GLIS1: variants seen among roughly 807,000 people sequenced by gnomAD.
The protein encoded by GLIS1 is GLIS family zinc finger 1.
In GLIS1, 24 loss-of-function variants were observed where a neutral mutation model predicts 63.8. The observed-to-expected ratio is 0.38, with a 90% CI of 0.27 to 0.53. The LOEUF is 0.53. Among genes scored for constraint, GLIS1 ranks in the 20% least tolerant of loss-of-function variants. The pLI is 0.85. For missense variants in GLIS1, 1,036 were observed against 1,074.1 expected, an observed-to-expected ratio of 0.96 and a Z score of 0.50; for synonymous variants, 450 against 482.5, an observed-to-expected ratio of 0.93 and a Z score of 0.88.
At chr1:53,696,457 C>T (rs577390485) in intron 2 of GLIS1, among the ~76,000 whole-genome samples, 3 of 152,342 alleles carry the variant, frequency 2.0e-5, no homozygotes, top group African/African-American at 4.8e-5. Context: ...ACAGGATCCA[C>T]GACCCAGACC....
At chr1:53,543,590 G>C (rs1557441388) in intron 4 of GLIS1, among the ~76,000 whole-genome samples, 1 of 152,204 alleles carries the variant, frequency 6.6e-6, no homozygotes, top group African/African-American at 2.4e-5. Flanking sequence ...ACTAGCCCAA[G>C]GGGAAGAAAT....
Position 53,574,825 on chromosome 1 carries a change from G to A in GLIS1, c.1320+19283C>T, listed in dbSNP as rs1035556812. Among the ~76,000 whole-genome samples the A allele has an allele frequency of 1.3e-5, 2 of 152,184 alleles. No homozygotes were observed. Among genetic ancestry groups the A allele is most frequent in the African/African-American group, 4.8e-5 (2 of 41,438 alleles). ...TAAAAAGCTGGGGCAGGAGGGCTGA[G>A]TTTAGTCAAGGTTTGGCCACAGGCC... On this transcript the variant is annotated intron_variant, in intron 4 of 10. Coordinates refer to ENST00000628545, the MANE Select transcript of GLIS1 (RefSeq NM_001367484.1). The surrounding 1 kb of genome is among the most constrained non-coding windows in gnomAD (Gnocchi z 4.2).
intron 10 of GLIS1, 51 bp from the exon 11 acceptor site, chr1:53,506,827 T>G (rs1219120731): frequency 4.5e-6 from 7 of 1,552,884 alleles, no homozygotes; most frequent in African/African-American, 2.7e-5. Flanking sequence ...GGGCTGTGCC[T>G]GCGCATGCTT....
At position 53,598,408 on chromosome 1, in the gene GLIS1, G is replaced by A. The variant is rs1225702197; in HGVS notation, c.437+1693C>T. Among the ~76,000 whole-genome samples, 5 of 152,104 alleles carry A rather than the reference G, an allele frequency of 3.3e-5. No individual in the cohort carries two copies. The highest frequency in any genetic ancestry group is 2.1e-4 in the South Asian group (1 of 4,820). ...AAATTAGCCAGGCGTGGTGGCACAC[G>A]CCTGTAGTCTCAGCTGCTGGAGTGG... On this transcript the variant is annotated intron_variant, in intron 3 of 10. Transcript: ENST00000628545. The surrounding 1 kb of genome is among the most constrained non-coding windows in gnomAD (Gnocchi z 4.6).
chr1:53,551,819 G>T lies in GLIS1; in HGVS notation c.1321-21867C>A, dbSNP rs1644762705. Among the ~76,000 whole-genome samples the T allele has an allele frequency of 3.3e-5, 5 of 151,984 alleles. No individual in the cohort carries two copies. The South Asian group carries it at 1.0e-3, about 32-fold the overall frequency. On this transcript the variant is annotated intron_variant, in intron 4 of 10. Transcript: ENST00000628545. ...CCACCGCCTTCCCTGGATGTACCCG[G>T]TGGTTCCTGCCTCTGGGCCTCTGCA...
At chr1:53,664,730 G>A (rs1356941750) in intron 2 of GLIS1, among the ~76,000 whole-genome samples, 1 of 152,218 alleles carries the variant, frequency 6.6e-6, no homozygotes, top group Non-Finnish European at 1.5e-5. Context: ...AAGCAGGCAA[G>A]GAAGCTGGGG....
intron 4 of GLIS1, among the ~76,000 whole-genome samples, chr1:53,576,907 A>G (rs1645037175): frequency 2.0e-5 from 3 of 151,148 alleles, no homozygotes; most frequent in Admixed American, 2.0e-4. Flanking sequence ...AGCCCTTCTC[A>G]TTCACATTCT....
At chr1:53,593,933 C>T (rs1645219330) in intron 4 of GLIS1, among the ~76,000 whole-genome samples, 175 bp downstream of exon 4, 1 of 152,228 alleles carries the variant, frequency 6.6e-6, no homozygotes, top group Admixed American at 6.5e-5. Flanking sequence ...GTGACAGGGG[C>T]ACTGACCGTC....
rs148276685 is a variant in GLIS1, at chr1:53,546,168, T to G, written c.1321-16216A>C. ...CGCCACCAAGCTCCTGTTTCACACA[T>G]GATGGCCAGGGACGCCTGAGGAGGC... On this transcript the variant is annotated intron_variant, in intron 4 of 10. Transcript: ENST00000628545. Among the ~76,000 whole-genome samples the G allele has an allele frequency of 5.3e-5, 8 of 152,344 alleles. No homozygotes were observed. In the East Asian group the frequency reaches 1.5e-3, roughly 29 times the overall value.
intron 4 of GLIS1, among the ~76,000 whole-genome samples, chr1:53,559,914 A>T (rs1204806763): frequency 6.6e-6 from 1 of 151,952 alleles, no homozygotes; most frequent in African/African-American, 2.4e-5. Flanking sequence ...ACATATGCTC[A>T]CACACACACA....
intron 4 of GLIS1, among the ~76,000 whole-genome samples, chr1:53,538,842 G>T (rs992488846): frequency 2.0e-5 from 3 of 152,160 alleles, no homozygotes; most frequent in African/African-American, 7.2e-5. Context: ...CAAGAAATGG[G>T]TTCCTGTCCC....
chr1:53,596,231 A>C (rs765881493), intron 3 of GLIS1, among the ~76,000 whole-genome samples: 1 of 152,220 alleles, frequency 6.6e-6, no homozygotes, highest in Non-Finnish European at 1.5e-5. Flanking sequence ...GGCTTAAATA[A>C]CACAAGGGGA....
At chr1:53,519,342 C>G (rs1224099251) in intron 7 of GLIS1, among the ~76,000 whole-genome samples, 1 of 152,202 alleles carries the variant, frequency 6.6e-6, no homozygotes, top group East Asian at 1.9e-4. Context: ...ATGAGAAAGG[C>G]TAAAAGGCTT....
chr1:53,681,563 G>A (rs1380445828), intron 2 of GLIS1, among the ~76,000 whole-genome samples: 1 of 152,256 alleles, frequency 6.6e-6, no homozygotes, highest in Non-Finnish European at 1.5e-5. Context: ...AGCCAAGAAA[G>A]AGAGCATTCA....
At chr1:53,706,082 C>T (rs1403424472) in intron 2 of GLIS1, among the ~76,000 whole-genome samples, 4 of 152,140 alleles carry the variant, frequency 2.6e-5, no homozygotes, top group Non-Finnish European at 5.9e-5. Context: ...ATAATATTGG[C>T]TAATGTACTC....
At chr1:53,651,436 G>A (rs1177987299) in intron 2 of GLIS1, among the ~76,000 whole-genome samples, 1 of 152,200 alleles carries the variant, frequency 6.6e-6, no homozygotes, top group Non-Finnish European at 1.5e-5. Context: ...TTTTCCCAGT[G>A]TTCTTCTGAA....
intron 4 of GLIS1, among the ~76,000 whole-genome samples, chr1:53,593,592 G>A (rs1645214776): frequency 6.6e-6 from 1 of 152,192 alleles, no homozygotes. Flanking sequence ...CTGGGGACCT[G>A]CAGCTCTCGA....
chr1:53,733,741 T>C (rs1217113845), intron 2 of GLIS1, among the ~76,000 whole-genome samples: 1 of 152,230 alleles, frequency 6.6e-6, no homozygotes, highest in Admixed American at 6.5e-5. Flanking sequence ...AGCCTGACAT[T>C]TGGCCAGCAG....
chr1:53,538,593 A>G (rs1337549203), intron 4 of GLIS1, among the ~76,000 whole-genome samples: 1 of 152,142 alleles, frequency 6.6e-6, no homozygotes, highest in African/African-American at 2.4e-5. Context: ...CCATCTGCTC[A>G]CTGGGCCTTC....
Sources: gnomAD v4.1 joint callset for allele counts (sites outside exome capture counted in the v4.1 genomes callset) on GRCh38, gnomAD v4.1.1 for gene constraint, Gnocchi (gnomAD v3.1) non-coding constraint, MANE v1.5 for transcripts, NCBI Gene and HGNC (gene_info 2026-07-23, HGNC 2026-07-21) for gene names.